The following KCNU1 variants were observed in gnomAD, a reference collection of about 807,000 sequenced individuals.
KCNU1 encodes the protein potassium calcium-activated channel subfamily U member 1, also known as potassium channel subfamily U member 1.
Under a neutral mutation model 126.8 loss-of-function variants are expected in KCNU1, and 93 were observed. The observed-to-expected ratio is 0.73, with a 90% CI of 0.62 to 0.87. The LOEUF (loss-of-function observed/expected upper bound fraction) is 0.87. Among genes scored for constraint, KCNU1 ranks in the 40% least tolerant of loss-of-function variants. The pLI is 0.00. For synonymous variants in KCNU1, 523 were observed against 494.2 expected, an observed-to-expected ratio of 1.06 and a Z score of -0.77; for missense variants, 1,330 against 1,367.1, an observed-to-expected ratio of 0.97 and a Z score of 0.43.
rs551560403 is a variant in KCNU1, at chr8:36,849,947, T to C, written c.1891+4048T>C. On this transcript the variant is annotated intron_variant, in intron 18 of 26. Transcript: ENST00000399881. ...CACCATTTTATATTCCCACCAGAAA[T>C]GCAGAAAGGTTCCAGTTTTTCTACA... Among the ~76,000 whole-genome samples the C allele has an allele frequency of 1.1e-4, 16 of 152,298 alleles. No homozygotes were observed. In the South Asian group the frequency reaches 2.1e-3, roughly 20 times the overall value.
chr8:36,816,051 T>G (rs1169686756), intron 9 of KCNU1, among the ~76,000 whole-genome samples: 1 of 152,240 alleles, frequency 6.6e-6, no homozygotes, highest in South Asian at 2.1e-4. Flanking sequence ...GGGTAACTTA[T>G]GGCTAACTTT....
Position 36,854,386 on chromosome 8 carries a change from G to A in KCNU1, c.1891+8487G>A, listed in dbSNP as rs544112825. 5.9e-5 allele frequency among the ~76,000 whole-genome samples: 9 copies of A among 151,432 alleles called. No individual in the cohort carries two copies. The East Asian group carries it at 1.7e-3, about 29-fold the overall frequency. ...TTGATAATGTCCCAGCGGTCCCTTAGGCTGTCTTCATTTTTCTTAATTCCT... is the reference window on the plus strand; with the variant it reads ...TTGATAATGTCCCAGCGGTCCCTTAAGCTGTCTTCATTTTTCTTAATTCCT... On this transcript the variant is annotated intron_variant, in intron 18 of 26. Coordinates refer to ENST00000399881, the MANE Select transcript of KCNU1 (RefSeq NM_001031836.3).
intron 12 of KCNU1, among the ~76,000 whole-genome samples, chr8:36,835,459 A>G (rs1440930201): frequency 6.6e-6 from 1 of 151,562 alleles, no homozygotes; most frequent in Non-Finnish European, 1.5e-5. Context: ...GTTCTGCCTC[A>G]GCCTTCCAAG....
Position 36,814,229 on chromosome 8 carries a change from G to A in KCNU1, c.755G>A (p.Trp252Ter). The change falls in exon 8 of 27, where the codon TGG becomes TAG. Residue 252 changes from tryptophan to a stop codon, truncating the protein, a stop_gained. Coordinates refer to ENST00000399881, the MANE Select transcript of KCNU1 (RefSeq NM_001031836.3). LOFTEE classifies it high-confidence loss of function. ...CAGGTGGAAAATTCTGGTGATCCCT[G>A]GCTCAAAGGTAGAAATTCACAGAAT... ...IHLVENSGDPWLKGRNSQNIS... is the reference protein window; with the variant it reads ...IHLVENSGDP 1 of 1,613,228 alleles carries A rather than the reference G, an allele frequency of 6.2e-7. No homozygotes were observed. Among genetic ancestry groups the A allele is most frequent in the Non-Finnish European group, 8.5e-7 (1 of 1,179,456 alleles).
chr8:36,897,174 CTGTG>C (rs150557346), intron 19 of KCNU1, among the ~76,000 whole-genome samples: 2 of 151,074 alleles, frequency 1.3e-5, no homozygotes, highest in African/African-American at 2.4e-5. Context: ...TTGCCAAAAG[CTGTG>C]TGTGTGTGTG....
chr8:36,840,106 A>G (rs1258901684), intron 14 of KCNU1, among the ~76,000 whole-genome samples: 1 of 152,228 alleles, frequency 6.6e-6, no homozygotes, highest in African/African-American at 2.4e-5. Flanking sequence ...ATATCCAGAG[A>G]GAGATAATTT....
At chr8:36,789,373 A>AG (rs367566252) in intron 2 of KCNU1, among the ~76,000 whole-genome samples, 2 of 152,070 alleles carry the variant, frequency 1.3e-5, no homozygotes, top group African/African-American at 4.8e-5. Flanking sequence ...AAAAAAAAAA[A>AG]CACTCTAGCA....
intron 19 of KCNU1, among the ~76,000 whole-genome samples, chr8:36,865,348 T>C (rs1195472125): frequency 6.6e-6 from 1 of 152,124 alleles, no homozygotes; most frequent in Non-Finnish European, 1.5e-5. Flanking sequence ...GCAATCCTAC[T>C]TCTGGGCATT....
rs565972815 is a variant in KCNU1 at position 36,787,841 on chromosome 8, A to G, written c.315+416A>G. 2.9e-5 allele frequency among the ~76,000 whole-genome samples: 4 copies of G among 138,126 alleles called. No individual in the cohort carries two copies. In the East Asian group the frequency reaches 8.7e-4, roughly 30 times the overall value. The allele number at this position is 138,126 out of a possible 152,430, so 90.6% of individuals were successfully genotyped here. A position where few individuals can be genotyped will look rare whatever the true frequency, so the allele number is the denominator to read the frequency against. On this transcript the variant is annotated intron_variant, in intron 2 of 26. Transcript: ENST00000399881. ...ATTATATAATTATATATTTATAAAT[A>G]GTAATATATATTGACTAATTATATA...
At chr8:36,908,914 G>A (rs1807747407) in intron 20 of KCNU1, among the ~76,000 whole-genome samples, 1 of 152,076 alleles carries the variant, frequency 6.6e-6, no homozygotes, top group African/African-American at 2.4e-5. Context: ...ATTTAGCATT[G>A]AATCTGGAAT....
chr8:36,784,873 G>A lies in KCNU1; in HGVS notation c.195+268G>A, dbSNP rs74317755. Among the ~76,000 whole-genome samples, 655 of 152,190 alleles carry A rather than the reference G, an allele frequency of 4.3e-3. 7 individuals carry two copies. Among genetic ancestry groups the A allele is most frequent in the African/African-American group, 0.015 (612 of 41,486 alleles). On this transcript the variant is annotated intron_variant, in intron 1 of 26. Coordinates refer to ENST00000399881, the MANE Select transcript of KCNU1 (RefSeq NM_001031836.3). The stretch of plus-strand genomic sequence containing the variant: ...GATTAATGTTAGCTCTGGAAACAGA[G>A]GTCACTGTTCTGAAAAAAAGTTCAT...
intron 19 of KCNU1, among the ~76,000 whole-genome samples, chr8:36,880,135 G>A (rs965159538): frequency 6.6e-6 from 1 of 152,152 alleles, no homozygotes; most frequent in African/African-American, 2.4e-5. Context: ...TAGAGGGAGA[G>A]AATACTTTGA....
intron 19 of KCNU1, among the ~76,000 whole-genome samples, chr8:36,903,772 G>A (rs1475031136): frequency 2.0e-5 from 3 of 152,118 alleles, no homozygotes; most frequent in African/African-American, 7.2e-5. Flanking sequence ...TAGCATGGCT[G>A]GGGAGGCCTC....
At chr8:36,797,665 C>T (rs1803151614) in intron 2 of KCNU1, among the ~76,000 whole-genome samples, 1 of 150,130 alleles carries the variant, frequency 6.7e-6, no homozygotes, top group Non-Finnish European at 1.5e-5. Context: ...TGCCCATATT[C>T]ATTTGCCATG....
chr8:36,893,376 T>TA (rs1215026428), intron 19 of KCNU1, among the ~76,000 whole-genome samples: 2 of 151,924 alleles, frequency 1.3e-5, no homozygotes, highest in African/African-American at 2.4e-5. Context: ...ATTTGCAATT[T>TA]AAAAAAATTA....
intron 22 of KCNU1, among the ~76,000 whole-genome samples, chr8:36,917,128 C>T (rs1808142791): frequency 6.6e-6 from 1 of 152,164 alleles, no homozygotes; most frequent in African/African-American, 2.4e-5. Flanking sequence ...CCAATTACCC[C>T]ACTCAGGGAG....
At chr8:36,803,807 T>C (rs1045349153) in intron 2 of KCNU1, among the ~76,000 whole-genome samples, 1 of 152,060 alleles carries the variant, frequency 6.6e-6, no homozygotes, top group African/African-American at 2.4e-5. Flanking sequence ...ATAAGTAAAA[T>C]GGGTACATAT....
In KCNU1 at chr8:36,815,774, G is replaced by C. The variant is rs1165201472; in HGVS notation, c.995+87G>C. The C allele has an allele frequency of 4.0e-6, 3 of 753,262 alleles. No homozygotes were observed. The Admixed American group carries it at 9.0e-5, about 23-fold the overall frequency. 46.7% of individuals were successfully genotyped at this position (753,262 alleles called of 1,614,324 possible). A position where few individuals can be genotyped will look rare whatever the true frequency, so the allele number is the denominator to read the frequency against. The stretch of plus-strand genomic sequence containing the variant: ...TTCTAGACATCTATTGTCTGGCTTA[G>C]CTGTAGAACCCAAGGTGAATATATC... On this transcript the variant is annotated intron_variant, in intron 9 of 26. Transcript: ENST00000399881.
chr8:36,909,440 A>G lies in KCNU1; in HGVS notation c.2236A>G (p.Lys746Glu), dbSNP rs1807775939. The G allele has an allele frequency of 6.2e-7, 1 of 1,613,370 alleles. No homozygotes were observed. The highest frequency in any genetic ancestry group is 2.2e-5 in the East Asian group (1 of 44,860). ...MPLRASNYTR[K>E]ELKDIVFIGS... ...CTTGAGAGCCAGCAACTATACCAGG[A>G]AGGAGCTGAAGGACATAGTGTTCAT... The change falls in exon 21 of 27, where the codon AAG (lysine) becomes GAG (glutamate). Residue 746 changes from lysine to glutamate, a missense_variant. Transcript: ENST00000399881.
Sources: allele counts gnomAD v4.1 joint callset (sites outside exome capture counted in the v4.1 genomes callset), GRCh38; gene constraint gnomAD v4.1.1; transcripts MANE v1.5; gene names NCBI Gene and HGNC (gene_info 2026-07-23, HGNC 2026-07-21).